Variants in SPOCK3 observed in about 807,000 individuals in gnomAD.
The protein encoded by SPOCK3 is SPARC (osteonectin), cwcv and kazal like domains proteoglycan 3.
Under a neutral mutation model 56.6 loss-of-function variants are expected in SPOCK3, and 30 were observed. The ratio of observed to expected loss-of-function variants is 0.53; its 90% confidence interval spans 0.40 to 0.72. The LOEUF is 0.72. Ranked by LOEUF, SPOCK3 falls within the 30% of genes least tolerant of loss-of-function variation. The pLI, the probability that SPOCK3 is intolerant of heterozygous loss-of-function variation, is 0.00. For missense variants in SPOCK3, 527 were observed against 530.0 expected (o/e 0.99, Z 0.06); for synonymous variants, 196 against 183.3 (o/e 1.07, Z -0.56).
At chr4:167,160,244 A>G (rs190533752) in intron 2 of SPOCK3, among the ~76,000 whole-genome samples, 1 of 152,316 alleles carries the variant, frequency 6.6e-6, no homozygotes. Flanking sequence ...TTATACACCA[A>G]TAACGGACAA....
At chr4:166,940,905 T>C (rs1740985425) in intron 4 of SPOCK3, among the ~76,000 whole-genome samples, 1 of 150,336 alleles carries the variant, frequency 6.7e-6, no homozygotes, top group Non-Finnish European at 1.5e-5. Flanking sequence ...GTGCTGATCT[T>C]TGCTGTCTCA....
intron 4 of SPOCK3, among the ~76,000 whole-genome samples, chr4:166,970,848 T>C (rs995984177): frequency 1.3e-5 from 2 of 152,184 alleles, no homozygotes; most frequent in African/African-American, 2.4e-5. Context: ...ATTTGGTATA[T>C]TGCCAACTCC....
intron 2 of SPOCK3, among the ~76,000 whole-genome samples, chr4:167,079,092 A>G (rs1452906116): frequency 4.6e-5 from 7 of 151,924 alleles, no homozygotes; most frequent in South Asian, 2.1e-4. Flanking sequence ...AAAAGTCTCT[A>G]GCATTTATAA....
chr4:166,939,795 A>G (rs1297392766), intron 4 of SPOCK3, among the ~76,000 whole-genome samples: 1 of 152,174 alleles, frequency 6.6e-6, no homozygotes, highest in Non-Finnish European at 1.5e-5. Flanking sequence ...TTTTTGTTTA[A>G]TAGAGGAAAA....
intron 6 of SPOCK3, among the ~76,000 whole-genome samples, chr4:166,851,548 G>A (rs938468357): frequency 6.6e-6 from 1 of 152,142 alleles, no homozygotes; most frequent in Non-Finnish European, 1.5e-5. Flanking sequence ...CAAACCAAAG[G>A]CAAAGAAGTT....
intron 2 of SPOCK3, among the ~76,000 whole-genome samples, chr4:167,194,663 G>A (rs1732769722): frequency 1.3e-5 from 2 of 152,196 alleles, no homozygotes; most frequent in Non-Finnish European, 2.9e-5. Flanking sequence ...TTGAAACCAG[G>A]TCACAGTATT....
chr4:166,842,104 G>A (rs938568502), intron 6 of SPOCK3, among the ~76,000 whole-genome samples: 13 of 152,184 alleles, frequency 8.5e-5, no homozygotes, highest in South Asian at 4.1e-4. Context: ...CCTGGCCTTA[G>A]GAGTGAAGCT....
chr4:167,120,724 G>C (rs1222823938), intron 2 of SPOCK3, among the ~76,000 whole-genome samples: 1 of 151,916 alleles, frequency 6.6e-6, no homozygotes, highest in East Asian at 1.9e-4. Flanking sequence ...GACTTTACAT[G>C]ATTATAACTT....
chr4:167,032,090 G>A (rs1752332685), intron 3 of SPOCK3, among the ~76,000 whole-genome samples: 1 of 151,856 alleles, frequency 6.6e-6, no homozygotes, highest in Non-Finnish European at 1.5e-5. Flanking sequence ...TTTAGAAGAA[G>A]AGGCTGAAAA....
chr4:167,186,263 T>A (rs1025442285), intron 2 of SPOCK3, among the ~76,000 whole-genome samples: 100 of 152,322 alleles, frequency 6.6e-4, no homozygotes, highest in Non-Finnish European at 9.6e-4. Flanking sequence ...CTAAAAAAAT[T>A]ATTTTACATT....
chr4:167,011,099 GAA>G lies in SPOCK3; in HGVS notation c.236-10638_236-10637del, dbSNP rs371566562. 4 of 243,910 alleles carry G rather than the reference GAA, an allele frequency of 1.6e-5. No individual in the cohort carries two copies. The Admixed American group carries it at 1.8e-4, about 11-fold the overall frequency. 15.1% of individuals were successfully genotyped at this position (243,910 alleles called of 1,614,324 possible). ...ATCAAAACTCACAATTGGTGAAACA[GAA>G]AAAAAAAGAGATAATCTTAGATTGG... On this transcript the variant is annotated intron_variant, in intron 3 of 10. Transcript: ENST00000357545.
chr4:167,027,919 C>T (rs1751853965), intron 3 of SPOCK3, among the ~76,000 whole-genome samples: 1 of 151,850 alleles, frequency 6.6e-6, no homozygotes, highest in Admixed American at 6.6e-5. Context: ...TCAACTGTAC[C>T]TAAGTTTTGT....
chr4:166,990,521 C>A (rs1747669326), intron 4 of SPOCK3, among the ~76,000 whole-genome samples: 1 of 151,742 alleles, frequency 6.6e-6, no homozygotes. Flanking sequence ...TACTAATTTC[C>A]TAATTATTTA....
intron 2 of SPOCK3, among the ~76,000 whole-genome samples, chr4:167,071,588 G>A (rs942472026): frequency 6.6e-6 from 1 of 151,928 alleles, no homozygotes; most frequent in African/African-American, 2.4e-5. Context: ...TTTTATGGCT[G>A]CATAGTATTC....
At chr4:166,931,148 A>T in intron 4 of SPOCK3, among the ~76,000 whole-genome samples, 1 of 152,064 alleles carries the variant, frequency 6.6e-6, no homozygotes, top group East Asian at 1.9e-4. Flanking sequence ...CGCCCAGCTA[A>T]TTTTTGCACT....
chr4:167,008,492 T>C (rs1211402656), intron 3 of SPOCK3, among the ~76,000 whole-genome samples: 1 of 152,146 alleles, frequency 6.6e-6, no homozygotes, highest in Non-Finnish European at 1.5e-5. Flanking sequence ...CATATAATGA[T>C]GTTATGCAGG....
At chr4:167,138,395 T>C (rs1561256498) in intron 2 of SPOCK3, among the ~76,000 whole-genome samples, 1 of 151,902 alleles carries the variant, frequency 6.6e-6, no homozygotes, top group Non-Finnish European at 1.5e-5. Context: ...TATAGTATCA[T>C]TTATTGAAGA....
chr4:166,785,069 C>T (rs1281834299), intron 7 of SPOCK3, among the ~76,000 whole-genome samples: 2 of 152,090 alleles, frequency 1.3e-5, no homozygotes, highest in Admixed American at 1.3e-4. Context: ...GTAAGCACAA[C>T]ATATTCTTAT....
At chr4:166,818,697 T>C (rs1321501998) in intron 6 of SPOCK3, among the ~76,000 whole-genome samples, 1 of 152,046 alleles carries the variant, frequency 6.6e-6, no homozygotes, top group Non-Finnish European at 1.5e-5. Flanking sequence ...CTAAGACTTG[T>C]ACTTCTTTCA....
Sources: allele counts gnomAD v4.1 joint callset (sites outside exome capture counted in the v4.1 genomes callset), GRCh38; gene constraint gnomAD v4.1.1; transcripts MANE v1.5; gene names NCBI Gene and HGNC (gene_info 2026-07-23, HGNC 2026-07-21).